HOMEZ: variants seen among roughly 807,000 people sequenced by gnomAD.
HOMEZ encodes the protein homeobox and leucine zipper encoding.
Under a neutral mutation model 50.1 loss-of-function variants are expected in HOMEZ, and 20 were observed. The observed-to-expected ratio is 0.40, with a 90% confidence interval of 0.28 to 0.58. The LOEUF is 0.58. HOMEZ is among the 20% of genes least tolerant of loss of function. HOMEZ has a pLI of 0.46. For missense variants in HOMEZ, 579 were observed against 680.5 expected, an observed-to-expected ratio of 0.85 and a Z score of 1.66; for synonymous variants, 239 against 254.7, an observed-to-expected ratio of 0.94 and a Z score of 0.59.
chr14:23,278,108 G>A (rs1326095408), intron 1 of HOMEZ, among the ~76,000 whole-genome samples: 2 of 151,084 alleles, frequency 1.3e-5, no homozygotes, highest in South Asian at 2.1e-4. Flanking sequence ...TTACAGGCAT[G>A]AGTCACCACA....
In HOMEZ at chr14:23,280,785, T is replaced by TTATTTTATTTTATTTTATTTTATTTTA. The variant is rs1555323664; in HGVS notation, c.41-3599_41-3598insTAAAATAAAATAAAATAAAATAAAATA. 1.0e-3 allele frequency among the ~76,000 whole-genome samples: 143 copies of TTATTTTATTTTATTTTATTTTATTTTA among 138,166 alleles called. 7 individuals carry two copies. Among genetic ancestry groups the TTATTTTATTTTATTTTATTTTATTTTA allele is most frequent in the South Asian group, 4.5e-3 (17 of 3,816 alleles). The allele number at this position is 138,166 out of a possible 152,430, so 90.6% of individuals were successfully genotyped here. On this transcript the variant is annotated intron_variant, in intron 1 of 1. Transcript: ENST00000357460. ...TTTATTTTATTTTATTTTATTTTATTTTATTTGGAGACGGAGTCTTGCTCT... is the reference window on the plus strand; with the variant it reads ...TTTATTTTATTTTATTTTATTTTATTTATTTTATTTTATTTTATTTTATTTTATTATTTGGAGACGGAGTCTTGCTCT...
chr14:23,286,060 T>C lies in HOMEZ; in HGVS notation c.-108A>G. The C allele has an allele frequency of 2.4e-6, 3 of 1,230,274 alleles. No homozygotes were observed. The highest frequency in any genetic ancestry group is 3.0e-6 in the Non-Finnish European group (3 of 986,832). The allele number at this position is 1,230,274 out of a possible 1,614,324, so 76.2% of individuals were successfully genotyped here. On this transcript the variant is annotated 5_prime_UTR_variant, in exon 1 of 2. Transcript: ENST00000357460. ...CCCCAGCGATGGCCGAAACCGGGACTGCCCCCCCCACCGTCCCCGGGAGCG... is the reference window on the plus strand; with the variant it reads ...CCCCAGCGATGGCCGAAACCGGGACCGCCCCCCCCACCGTCCCCGGGAGCG...
Position 23,275,441 on chromosome 14 carries a change from C to A in HOMEZ, c.*134G>T. 8.5e-7 allele frequency: 1 copy of A among 1,181,604 alleles called. No homozygotes were observed. The highest frequency in any genetic ancestry group is 1.2e-6 in the Non-Finnish European group (1 of 857,354). 73.2% of individuals were successfully genotyped at this position (1,181,604 alleles called of 1,614,324 possible). On this transcript the variant is annotated 3_prime_UTR_variant, in exon 2 of 2. Coordinates refer to ENST00000357460, the MANE Select transcript of HOMEZ (RefSeq NM_020834.3). ...GTCCACCCTCACTATATCCCCCTGC[C>A]ACCCACCCTGAAGAACACAAAGCTT...
Position 23,275,746 on chromosome 14 carries a change from C to T in HOMEZ, c.1482G>A (p.Gln494=), listed in dbSNP as rs1480950720. ...LSQASRLSTQ[Q]VLDWFDSRLP... ...ATCGAGAGTCAAACCAATCCAGCAC[C>T]TGCTGGGTGCTAAGCCTTGATGCCT... The change falls in exon 2 of 2, where the codon CAG becomes CAA. Residue 494 remains glutamine (Q), a synonymous_variant. Transcript: ENST00000357460. The T allele has an allele frequency of 6.2e-7, 1 of 1,613,768 alleles. No individual in the cohort carries two copies. The highest frequency in any genetic ancestry group is 1.1e-5 in the South Asian group (1 of 91,032).
At position 23,272,612 on chromosome 14, in the gene HOMEZ, C is replaced by T. The variant is rs1886190139; in HGVS notation, c.*2963G>A. 1 of 581,764 alleles carries T rather than the reference C, an allele frequency of 1.7e-6. No homozygotes were observed. The highest frequency in any genetic ancestry group is 3.0e-6 in the Non-Finnish European group (1 of 328,180). 36.0% of individuals were successfully genotyped at this position (581,764 alleles called of 1,614,324 possible). ...CAAATATTCATCCTTATTATTATCA[C>T]CATAAGCTACTGAAATGTTCCAGAG... is the stretch of plus-strand genomic sequence containing the variant. On this transcript the variant is annotated 3_prime_UTR_variant, in exon 2 of 2. Transcript: ENST00000357460.
rs546235900 is a variant in HOMEZ, at chr14:23,286,109, G to A, written c.-157C>T. 10 of 1,229,842 alleles carry A rather than the reference G, an allele frequency of 8.1e-6. No individual in the cohort carries two copies. In the African/African-American group the frequency reaches 1.4e-4, roughly 17 times the overall value. The allele number at this position is 1,229,842 out of a possible 1,614,324, so 76.2% of individuals were successfully genotyped here. A position where few individuals can be genotyped will look rare whatever the true frequency, so the allele number is the denominator to read the frequency against. ...CGCGCCGGTCTACCCAGCCCTGCTCGAGCAAGTTGGAGGCGGGGCGGATGG... is the reference window on the plus strand; with the variant it reads ...CGCGCCGGTCTACCCAGCCCTGCTCAAGCAAGTTGGAGGCGGGGCGGATGG... On this transcript the variant is annotated 5_prime_UTR_variant, in exon 1 of 2. Transcript: ENST00000357460.
Position 23,272,983 on chromosome 14 carries a change from C to T in HOMEZ, c.*2592G>A. The T allele has an allele frequency of 2.9e-6, 2 of 698,456 alleles. No homozygotes were observed. Among genetic ancestry groups the T allele is most frequent in the Non-Finnish European group, 4.7e-6 (2 of 423,978 alleles). 43.3% of individuals were successfully genotyped at this position (698,456 alleles called of 1,614,324 possible). A position where few individuals can be genotyped will look rare whatever the true frequency, so the allele number is the denominator to read the frequency against. ...GGGTGATGGCCCTGGAAAATGTATC[C>T]CTGCATTGTTTCCTAGTTTCACTCT... On this transcript the variant is annotated 3_prime_UTR_variant, in exon 2 of 2. Transcript: ENST00000357460.
chr14:23,277,864 C>T (rs1374596021), intron 1 of HOMEZ, among the ~76,000 whole-genome samples: 1 of 151,888 alleles, frequency 6.6e-6, no homozygotes. Context: ...GAGTCTCACT[C>T]TCTCGCCCAG....
At chr14:23,280,696 TTTTTATATTTTTATTTTTA>T (rs1886485805) in intron 1 of HOMEZ, among the ~76,000 whole-genome samples, 1 of 97,152 alleles carries the variant, frequency 1.0e-5, no homozygotes, top group Non-Finnish European at 2.4e-5. Context: ...TTTATTTTTA[TTTTTATATTTTTATTTTTA>T]TTTTATTTTA....
chr14:23,280,760 T>C (rs1440414126), intron 1 of HOMEZ, among the ~76,000 whole-genome samples: 1 of 86,410 alleles, frequency 1.2e-5, no homozygotes, highest in Non-Finnish European at 2.6e-5. Context: ...TTTATTTTAT[T>C]TTATTTTATT....
rs1031806493 is a variant in HOMEZ, at chr14:23,280,709, A to ATT, written c.41-3524_41-3523dup. ...ATTTTATTTTTATTTTTATATTTTT[A>ATT]TTTTTATTTTATTTTATTTTATTTT... is the stretch of plus-strand genomic sequence containing the variant. On this transcript the variant is annotated intron_variant, in intron 1 of 1. Coordinates refer to ENST00000357460, the MANE Select transcript of HOMEZ (RefSeq NM_020834.3). 1.2e-4 allele frequency among the ~76,000 whole-genome samples: 6 copies of ATT among 49,808 alleles called. 1 individual carries two copies. Among genetic ancestry groups the ATT allele is most frequent in the African/African-American group, 1.7e-4 (3 of 18,020 alleles). The allele number at this position is 49,808 out of a possible 152,430, so 32.7% of individuals were successfully genotyped here.
chr14:23,282,698 C>A (rs982459365), intron 1 of HOMEZ, among the ~76,000 whole-genome samples: 2 of 152,214 alleles, frequency 1.3e-5, no homozygotes, highest in Admixed American at 6.5e-5. Flanking sequence ...GAATATAAGG[C>A]AGGCACATTT....
chr14:23,280,389 G>C (rs2140505081), intron 1 of HOMEZ, among the ~76,000 whole-genome samples: 1 of 152,260 alleles, frequency 6.6e-6, no homozygotes, highest in African/African-American at 2.4e-5. Context: ...ACACAGGGCA[G>C]AAGGTCTCCT....
In HOMEZ at chr14:23,272,916, C is replaced by T. The variant is rs2140497015; in HGVS notation, c.*2659G>A. 7.2e-7 allele frequency: 1 copy of T among 1,391,140 alleles called. No homozygotes were observed. Among genetic ancestry groups the T allele is most frequent in the South Asian group, 1.3e-5 (1 of 76,124 alleles). 86.2% of individuals were successfully genotyped at this position (1,391,140 alleles called of 1,614,324 possible). A position where few individuals can be genotyped will look rare whatever the true frequency, so the allele number is the denominator to read the frequency against. ...GATCATCTTCAAGATCTGATCTATA[C>T]ATGCTGCTGAAGGATGGACTGTAGC... On this transcript the variant is annotated 3_prime_UTR_variant, in exon 2 of 2. Coordinates refer to ENST00000357460, the MANE Select transcript of HOMEZ (RefSeq NM_020834.3).
At chr14:23,280,265 C>A (rs1388315368) in intron 1 of HOMEZ, among the ~76,000 whole-genome samples, 1 of 152,152 alleles carries the variant, frequency 6.6e-6, no homozygotes, top group Non-Finnish European at 1.5e-5. Flanking sequence ...GTTTCCTCCT[C>A]CAAGTCAGCC....
Position 23,277,034 on chromosome 14 carries a change from T to C in HOMEZ, c.194A>G (p.Asp65Gly), listed in dbSNP as rs768347764. The C allele has an allele frequency of 6.2e-7, 1 of 1,614,048 alleles. No individual in the cohort carries two copies. Among genetic ancestry groups the C allele is most frequent in the South Asian group, 1.1e-5 (1 of 91,090 alleles). Residue 65 changes from aspartate (D) to glycine (G), a missense_variant, in exon 2 of 2, where the codon GAC (aspartate) becomes GGC (glycine). Physicochemically the swap from Asp to Gly is moderately conservative, Grantham distance 94. Transcript: ENST00000357460. ...GGTTTTGAGCAGGTGTTCATTGCTG[T>C]CTAGCTCACTGGTCTGGGCTGCTTG... ...WTQAAQTSEL[D>G]SNEHLLKTFS...
At chr14:23,279,367 C>A (rs1886438312) in intron 1 of HOMEZ, among the ~76,000 whole-genome samples, 1 of 152,152 alleles carries the variant, frequency 6.6e-6, no homozygotes, top group Non-Finnish European at 1.5e-5. Context: ...ACACAGGTGG[C>A]CCCTGCCGCT....
At chr14:23,277,970 AGGTGCCCGCCACCAC>A (rs1886405301) in intron 1 of HOMEZ, among the ~76,000 whole-genome samples, 1 of 151,588 alleles carries the variant, frequency 6.6e-6, no homozygotes, top group Admixed American at 6.6e-5. Flanking sequence ...CTGGGATTAC[AGGTGCCCGCCACCAC>A]GCCCGGCTAC....
chr14:23,279,142 C>T (rs772827540), intron 1 of HOMEZ, among the ~76,000 whole-genome samples: 11 of 152,160 alleles, frequency 7.2e-5, no homozygotes, highest in Non-Finnish European at 1.0e-4. Context: ...CACCATGATG[C>T]CCAGCTAATT....
Sources: gnomAD v4.1 joint callset for allele counts (sites outside exome capture counted in the v4.1 genomes callset) on GRCh38, gnomAD v4.1.1 for gene constraint, MANE v1.5 for transcripts, NCBI Gene and HGNC (gene_info 2026-07-23, HGNC 2026-07-21) for gene names.